The following GRAMD1B variants were observed in gnomAD, a reference collection of about 807,000 sequenced individuals.
The protein encoded by GRAMD1B is GRAM domain containing 1B, also known as protein Aster-B.
Under a neutral mutation model 99.7 loss-of-function variants are expected in GRAMD1B, and 37 were observed. The ratio of observed to expected loss-of-function variants is 0.37; its 90% CI spans 0.29 to 0.49. The LOEUF is 0.49. Ranked by LOEUF, GRAMD1B falls within the 20% of genes least tolerant of loss-of-function variation. The pLI, the probability that GRAMD1B is intolerant of heterozygous loss-of-function variation, is 0.98. For missense variants in GRAMD1B, 888 were observed against 1,009.2 expected (o/e 0.88, Z 1.63); for synonymous variants, 427 against 387.6 (o/e 1.10, Z -1.19).
At chr11:123,465,377 CT>C (rs953822146) in intron 1 of GRAMD1B, among the ~76,000 whole-genome samples, 1 of 152,260 alleles carries the variant, frequency 6.6e-6, no homozygotes, top group South Asian at 2.1e-4. Flanking sequence ...TAAAACATTC[CT>C]TTGTTTGGCT....
At chr11:123,425,490 CTTT>C (rs141748821), upstream of GRAMD1B, among the ~76,000 whole-genome samples, 118 of 152,298 alleles carry the variant, frequency 7.7e-4, no homozygotes, top group African/African-American at 2.7e-3. Context: ...AAACATTCTT[CTTT>C]GACGCCTAAG....
chr11:123,588,359 G>A (rs990296581), intron 4 of GRAMD1B, among the ~76,000 whole-genome samples: 8 of 152,172 alleles, frequency 5.3e-5, no homozygotes, highest in African/African-American at 1.7e-4. Context: ...CCAGCCCTTG[G>A]CATGGGTGTG....
chr11:123,610,376 G>A lies in GRAMD1B; in HGVS notation c.1919+38G>A, dbSNP rs551117773. 10 of 1,605,694 alleles carry A rather than the reference G, an allele frequency of 6.2e-6. 1 individual carries two copies. In the South Asian group the frequency reaches 6.6e-5, roughly 11 times the overall value. On this transcript the variant is annotated intron_variant, in intron 14 of 19. Transcript: ENST00000635736. This position sits in a 1 kb window ranked among gnomAD's most constrained non-coding sequence, Gnocchi z 4.1. ...GAAGTCCCAGTGCGGTCAGACGGGG[G>A]TCCTTACCTTAGAGAACATTCATTT...
intron 2 of GRAMD1B, among the ~76,000 whole-genome samples, chr11:123,563,118 C>T (rs536130018): frequency 1.0e-3 from 152 of 152,222 alleles, no homozygotes; most frequent in African/African-American, 3.5e-3. Context: ...CAGCAGGTGC[C>T]GAGAAGGCAT....
chr11:123,561,160 A>G (rs1363726773), intron 2 of GRAMD1B, among the ~76,000 whole-genome samples: 4 of 152,190 alleles, frequency 2.6e-5, no homozygotes, highest in African/African-American at 2.4e-5. Context: ...ACTTGGAGAA[A>G]GGAGGGCAGA....
chr11:123,426,153 A>C (rs1024007452), upstream of GRAMD1B, among the ~76,000 whole-genome samples: 2 of 152,170 alleles, frequency 1.3e-5, no homozygotes, highest in African/African-American at 4.8e-5. Flanking sequence ...AATTGCTTCT[A>C]CTTTAAAAAG....
chr11:123,534,757 C>G (rs1339214651), intron 2 of GRAMD1B, among the ~76,000 whole-genome samples: 5 of 152,064 alleles, frequency 3.3e-5, no homozygotes, highest in African/African-American at 9.7e-5. Context: ...CCCAGCTACT[C>G]TGGAGGCTGA....
chr11:123,491,677 C>G, intron 2 of GRAMD1B: 1 of 388,556 alleles, frequency 2.6e-6, no homozygotes, highest in Non-Finnish European at 4.5e-6. Flanking sequence ...ACCCTGGGCC[C>G]TCCATCTGCC....
At chr11:123,553,090 A>AC (rs1308738283) in intron 2 of GRAMD1B, among the ~76,000 whole-genome samples, 1 of 152,218 alleles carries the variant, frequency 6.6e-6, no homozygotes, top group East Asian at 1.9e-4. Context: ...CCTGGCTCCC[A>AC]CCCCCAGACA....
At chr11:123,512,005 G>A (rs1941073220) in intron 2 of GRAMD1B, among the ~76,000 whole-genome samples, 1 of 152,200 alleles carries the variant, frequency 6.6e-6, no homozygotes, top group African/African-American at 2.4e-5. Flanking sequence ...TTAGAAAGGA[G>A]CCAGAGAGAG....
intron 2 of GRAMD1B, among the ~76,000 whole-genome samples, chr11:123,505,333 G>C (rs17127421): frequency 0.013 from 1,997 of 152,126 alleles, 22 homozygotes; most frequent in Non-Finnish European, 0.023. Flanking sequence ...TGCTCAGCTT[G>C]TTTTGATGTC....
chr11:123,388,191 T>C (rs1947143142), intron 1 of GRAMD1B, among the ~76,000 whole-genome samples: 1 of 151,114 alleles, frequency 6.6e-6, no homozygotes, highest in African/African-American at 2.4e-5. Context: ...ATAGTAACTT[T>C]ATAGTGGAGA....
At chr11:123,541,490 CAT>C (rs1436210808) in intron 2 of GRAMD1B, among the ~76,000 whole-genome samples, 8 of 150,906 alleles carry the variant, frequency 5.3e-5, no homozygotes, top group South Asian at 2.1e-4. Context: ...TCATTGGTAA[CAT>C]GTTATTAATT....
chr11:123,586,420 C>T (rs1950080542), intron 4 of GRAMD1B, among the ~76,000 whole-genome samples: 1 of 152,206 alleles, frequency 6.6e-6, no homozygotes, highest in Admixed American at 6.5e-5. Context: ...ATTACAGAAA[C>T]ATCCCTGACT....
intron 2 of GRAMD1B, among the ~76,000 whole-genome samples, chr11:123,517,623 T>C (rs1213774760): frequency 6.6e-6 from 1 of 150,880 alleles, no homozygotes; most frequent in Non-Finnish European, 1.5e-5. Context: ...AGAATCGCGG[T>C]GCTAAACCAC....
At chr11:123,573,556 T>A (rs2136186088) in intron 2 of GRAMD1B, among the ~76,000 whole-genome samples, 1 of 152,306 alleles carries the variant, frequency 6.6e-6, no homozygotes, top group Middle Eastern at 3.4e-3. Flanking sequence ...TAGGCCTGTG[T>A]TTGAAAGTTT....
At chr11:123,498,341 C>T (rs183726904) in intron 2 of GRAMD1B, among the ~76,000 whole-genome samples, 1 of 152,306 alleles carries the variant, frequency 6.6e-6, no homozygotes, top group East Asian at 1.9e-4. Flanking sequence ...GGGTTCAATG[C>T]AAAGCCTCAC....
chr11:123,410,340 G>A (rs1212581496), intron 1 of GRAMD1B, among the ~76,000 whole-genome samples: 4 of 152,150 alleles, frequency 2.6e-5, no homozygotes, highest in African/African-American at 9.7e-5. Context: ...AGGAGGAAGG[G>A]GAAGTGAAAA....
chr11:123,621,900 T>TCTTCTTCCTTCCTTCCTC (rs1309422166), intron 19 of GRAMD1B, among the ~76,000 whole-genome samples: 1 of 47,824 alleles, frequency 2.1e-5, no homozygotes, highest in Non-Finnish European at 4.6e-5. Context: ...TTCTTTCTTT[T>TCTTCTTCCTTCCTTCCTC]TCTCTTTCTT....
Sources: allele counts gnomAD v4.1 joint callset (sites outside exome capture counted in the v4.1 genomes callset), GRCh38; gene constraint gnomAD v4.1.1; non-coding constraint Gnocchi (gnomAD v3.1); transcripts MANE v1.5; gene names NCBI Gene and HGNC (gene_info 2026-07-23, HGNC 2026-07-21).